GRAMD4: variants seen among roughly 807,000 people sequenced by gnomAD.
The protein encoded by GRAMD4 is GRAM domain-containing protein 4.
In GRAMD4, 25 loss-of-function variants were observed where a neutral mutation model predicts 83.9. The observed-to-expected ratio is 0.30, with a 90% confidence interval of 0.22 to 0.42. The LOEUF (loss-of-function observed/expected upper bound fraction) is 0.42. Ranked by LOEUF, GRAMD4 falls within the 10% of genes least tolerant of loss-of-function variation. The probability of loss-of-function intolerance (pLI) is 1.00; values close to 1 mark genes in which losing one functional copy is unlikely to be tolerated. For missense variants in GRAMD4, 593 were observed against 788.7 expected, an observed-to-expected ratio of 0.75 and a Z score of 2.97; for synonymous variants, 336 against 320.9, an observed-to-expected ratio of 1.05 and a Z score of -0.50.
chr22:46,641,052 C>T (rs1196568447), intron 3 of GRAMD4, among the ~76,000 whole-genome samples: 2 of 152,144 alleles, frequency 1.3e-5, no homozygotes, highest in Non-Finnish European at 2.9e-5. Flanking sequence ...GATGACAGAG[C>T]GAGACCCCAT....
At chr22:46,588,046 TAG>T (rs2081168592) in intron 1 of GRAMD4, 4 of 712,500 alleles carry the variant, frequency 5.6e-6, no homozygotes, top group Non-Finnish European at 6.9e-6. Context: ...ATGTCGGGTT[TAG>T]AGAGAGACTC....
At chr22:46,664,441 G>A (rs575496451) in intron 8 of GRAMD4, among the ~76,000 whole-genome samples, 13 of 152,216 alleles carry the variant, frequency 8.5e-5, no homozygotes, top group Admixed American at 3.3e-4. Flanking sequence ...CGGTGGCCAC[G>A]CTGCTGAGGT....
At chr22:46,658,063 CA>C in intron 3 of GRAMD4, 123 bp from the exon 4 acceptor site, 2 of 1,192,802 alleles carry the variant, frequency 1.7e-6, no homozygotes, top group Middle Eastern at 2.0e-4. Flanking sequence ...GTCAGGTGCT[CA>C]GGTCCGCTTA....
upstream of GRAMD4, among the ~76,000 whole-genome samples, chr22:46,616,107 T>TGC (rs2081486733): frequency 6.9e-6 from 1 of 145,530 alleles, no homozygotes; most frequent in African/African-American, 2.6e-5. Flanking sequence ...CCCCCTTGTG[T>TGC]AGGTTCCCCT....
intron 1 of GRAMD4, among the ~76,000 whole-genome samples, chr22:46,605,944 A>G (rs1290198891): frequency 7.2e-6 from 1 of 138,780 alleles, no homozygotes; most frequent in African/African-American, 2.7e-5. Context: ...GCATGTCTGC[A>G]TGGGCTTATG....
chr22:46,648,943 G>GATGGATGGATGGATGGATGGATGC (rs1569288677), intron 3 of GRAMD4, among the ~76,000 whole-genome samples: 1 of 85,414 alleles, frequency 1.2e-5, no homozygotes, highest in African/African-American at 5.0e-5. Flanking sequence ...TGCATGGATG[G>GATGGATGGATGGATGGATGGATGC]ATGGATGGAT....
chr22:46,580,800 T>A (rs1326511865), intron 1 of GRAMD4, among the ~76,000 whole-genome samples: 1 of 151,986 alleles, frequency 6.6e-6, no homozygotes, highest in Non-Finnish European at 1.5e-5. Flanking sequence ...TCCCCACGTC[T>A]ACTAAAAATA....
chr22:46,637,837 T>C lies in GRAMD4; in HGVS notation c.163-3T>C. 6.2e-7 allele frequency: 1 copy of C among 1,613,908 alleles called. No individual in the cohort carries two copies. The highest frequency in any genetic ancestry group is 2.2e-5 in the East Asian group (1 of 44,878). ...CTTTGAGCTTTTGGTGTTTTTCTTC[T>C]AGGCTGGTCCAGGGACCCTCATCAT... On this transcript the variant is annotated splice_region_variant and splice_polypyrimidine_tract_variant and intron_variant, in intron 2 of 18. Transcript: ENST00000406902.
chr22:46,648,318 GTGGA>G (rs141700422), intron 3 of GRAMD4, among the ~76,000 whole-genome samples: 34,034 of 146,706 alleles, frequency 0.23, 4,190 homozygotes, highest in African/African-American at 0.34. Context: ...AGACAAGTGA[GTGGA>G]TGGATGGATG....
chr22:46,628,551 G>T (rs943405350), intron 2 of GRAMD4, among the ~76,000 whole-genome samples: 4 of 129,316 alleles, frequency 3.1e-5, no homozygotes, highest in African/African-American at 9.1e-5. Context: ...CAGGTGGACT[G>T]AGTGTGTGCG....
At chr22:46,631,164 C>T (rs1305601752) in intron 2 of GRAMD4, among the ~76,000 whole-genome samples, 1 of 152,258 alleles carries the variant, frequency 6.6e-6, no homozygotes, top group East Asian at 1.9e-4. Flanking sequence ...ATACACAGAG[C>T]ATTGAATGTA....
At chr22:46,650,135 G>C (rs963799560) in intron 3 of GRAMD4, among the ~76,000 whole-genome samples, 1 of 152,230 alleles carries the variant, frequency 6.6e-6, no homozygotes, top group Non-Finnish European at 1.5e-5. Flanking sequence ...CCCTGGCCTG[G>C]TGGGAAGGAG....
At position 46,621,839 on chromosome 22, in the gene GRAMD4, C is replaced by T. The variant is rs765759409; in HGVS notation, c.-50+1274C>T. Among the ~76,000 whole-genome samples, 4 of 152,220 alleles carry T rather than the reference C, an allele frequency of 2.6e-5. No individual in the cohort carries two copies. The highest frequency in any genetic ancestry group is 9.6e-5 in the African/African-American group (4 of 41,456). On this transcript the variant is annotated intron_variant, in intron 1 of 18. Coordinates refer to ENST00000406902, the MANE Select transcript of GRAMD4 (RefSeq NM_015124.5). This position sits in a 1 kb window ranked among gnomAD's most constrained non-coding sequence, Gnocchi z 5.8. ...CCTGGCAGTGTGTGGTGACATGTGT[C>T]GTGACATGGAGTTTGATTCTTAACT...
chr22:46,620,394 C>G lies in GRAMD4; in HGVS notation c.-221C>G. ...TGCTGCCCTGCTCTGGTGCACAGGA[C>G]TGGAGTCCTCCAGGCTCCAGGGCAG... On this transcript the variant is annotated 5_prime_UTR_variant, in exon 1 of 19. Coordinates refer to ENST00000406902, the MANE Select transcript of GRAMD4 (RefSeq NM_015124.5). This position sits in a 1 kb window ranked among gnomAD's most constrained non-coding sequence, Gnocchi z 4.7. The G allele has an allele frequency of 3.0e-6, 3 of 985,372 alleles. No homozygotes were observed. Among genetic ancestry groups the G allele is most frequent in the Non-Finnish European group, 3.6e-6 (3 of 829,934 alleles). 61.0% of individuals were successfully genotyped at this position (985,372 alleles called of 1,614,324 possible). A position where few individuals can be genotyped will look rare whatever the true frequency, so the allele number is the denominator to read the frequency against.
At chr22:46,651,036 G>A (rs903614683) in intron 3 of GRAMD4, among the ~76,000 whole-genome samples, 4 of 152,188 alleles carry the variant, frequency 2.6e-5, no homozygotes, top group African/African-American at 4.8e-5. Context: ...CTGGCCCATC[G>A]GGTGGCCATC....
intron 1 of GRAMD4, among the ~76,000 whole-genome samples, chr22:46,600,998 G>A (rs777023511): frequency 6.6e-6 from 1 of 152,088 alleles, no homozygotes; most frequent in Non-Finnish European, 1.5e-5. Context: ...GCAAAAATTA[G>A]CCAGACATGG....
intron 3 of GRAMD4, among the ~76,000 whole-genome samples, chr22:46,650,756 G>A (rs1569290005): frequency 6.6e-6 from 1 of 152,244 alleles, no homozygotes; most frequent in Non-Finnish European, 1.5e-5. Flanking sequence ...GGGGCTCCTA[G>A]TCTGTGGCTG....
chr22:46,669,530 CCTTTAT>C (rs1388975172), intron 13 of GRAMD4, among the ~76,000 whole-genome samples: 1 of 152,044 alleles, frequency 6.6e-6, no homozygotes, highest in Non-Finnish European at 1.5e-5. Context: ...TTGCTTCCCT[CCTTTAT>C]CTTTGTCTTT....
intron 3 of GRAMD4, among the ~76,000 whole-genome samples, chr22:46,640,444 C>G (rs2081958755): frequency 6.6e-6 from 1 of 152,132 alleles, no homozygotes; most frequent in Non-Finnish European, 1.5e-5. Context: ...GACAGCTGAA[C>G]CCACAGGGCT....
Sources: gnomAD v4.1 joint callset for allele counts (sites outside exome capture counted in the v4.1 genomes callset) on GRCh38, gnomAD v4.1.1 for gene constraint, Gnocchi (gnomAD v3.1) non-coding constraint, MANE v1.5 for transcripts, NCBI Gene and HGNC (gene_info 2026-07-23, HGNC 2026-07-21) for gene names.